The following KCND3 variants were observed in gnomAD, a reference collection of about 807,000 sequenced individuals.
KCND3 encodes the protein potassium voltage-gated channel subfamily D member 3, also known as A-type voltage-gated potassium channel KCND3.
In KCND3, 9 loss-of-function variants were observed where a neutral mutation model predicts 51.1. That is an observed-to-expected ratio of 0.18 (90% CI 0.11 to 0.31). KCND3 has a LOEUF of 0.31. Among genes scored for constraint, KCND3 ranks in the 10% least tolerant of loss-of-function variants. The pLI is 1.00. For missense variants in KCND3, 526 were observed against 903.8 expected (o/e 0.58, Z 5.36); for synonymous variants, 349 against 368.0 (o/e 0.95, Z 0.59).
rs566160845 is a variant in KCND3, at chr1:111,944,229, C to T, written c.1106+37392G>A. Among the ~76,000 whole-genome samples the T allele has an allele frequency of 3.9e-5, 6 of 152,284 alleles. No homozygotes were observed. In the South Asian group the frequency reaches 1.2e-3, roughly 32 times the overall value. On this transcript the variant is annotated intron_variant, in intron 2 of 7. Transcript: ENST00000302127. ...TCCCTTGTGGAGACCCATAGGGAGG[C>T]CCGGCTGAGGGGAGAGGAAAGAGTG...
Position 111,953,551 on chromosome 1 carries a change from G to A in KCND3, c.1106+28070C>T, listed in dbSNP as rs11102361. Among the ~76,000 whole-genome samples the A allele has an allele frequency of 2.1e-3, 314 of 152,272 alleles. 3 individuals are homozygous for A. In the East Asian group the frequency reaches 0.024, roughly 12 times the overall value. Reference sequence around the variant, plus strand: ...CTGGTTTGGACTACGCCTGGGAAACGGCCTGCCTAGAAGACAAGCGGAGAA... The same window carrying A: ...CTGGTTTGGACTACGCCTGGGAAACAGCCTGCCTAGAAGACAAGCGGAGAA... On this transcript the variant is annotated intron_variant, in intron 2 of 7. Transcript: ENST00000302127.
chr1:111,828,650 C>CTATGCACCA (rs1666687265), intron 2 of KCND3, among the ~76,000 whole-genome samples: 1 of 152,190 alleles, frequency 6.6e-6, no homozygotes, highest in Non-Finnish European at 1.5e-5. Flanking sequence ...CTGGGATCTG[C>CTATGCACCA]TATGCACCAT....
intron 2 of KCND3, among the ~76,000 whole-genome samples, chr1:111,840,945 A>T (rs921944681): frequency 6.6e-6 from 1 of 152,244 alleles, no homozygotes; most frequent in African/African-American, 2.4e-5. Flanking sequence ...TGAAGAAAAC[A>T]GTCAAGTCCT....
chr1:111,961,481 T>G (rs1220381373), intron 2 of KCND3, among the ~76,000 whole-genome samples: 1 of 152,168 alleles, frequency 6.6e-6, no homozygotes, highest in Non-Finnish European at 1.5e-5. Flanking sequence ...GACCTCTGCT[T>G]AGTGCAGGGG....
intron 2 of KCND3, among the ~76,000 whole-genome samples, chr1:111,912,689 G>A (rs190179789): frequency 1.1e-3 from 162 of 152,208 alleles, no homozygotes; most frequent in African/African-American, 3.8e-3. Flanking sequence ...CCTGATGCAG[G>A]CCTAGGCTAA....
chr1:111,954,723 T>C (rs918598210), intron 2 of KCND3, among the ~76,000 whole-genome samples: 2 of 152,216 alleles, frequency 1.3e-5, no homozygotes, highest in African/African-American at 4.8e-5. Context: ...CCAATGTCCA[T>C]TGCAAATGGA....
Position 111,983,638 on chromosome 1 carries a change from C to T in KCND3, c.-72-840G>A, listed in dbSNP as rs537246616. On this transcript the variant is annotated intron_variant, in intron 1 of 7. Coordinates refer to ENST00000302127, the MANE Select transcript of KCND3 (RefSeq NM_001378969.1). ...TCTCCCTCCCCAGAAGAAGCCGATCCGCGCTCACTGCCGTCCCTAGATTCC... is the reference window on the plus strand; with the variant it reads ...TCTCCCTCCCCAGAAGAAGCCGATCTGCGCTCACTGCCGTCCCTAGATTCC... Among the ~76,000 whole-genome samples the T allele has an allele frequency of 5.9e-5, 9 of 152,186 alleles. No individual in the cohort carries two copies. The South Asian group carries it at 6.2e-4, about 11-fold the overall frequency.
At chr1:111,942,145 T>C (rs767341422) in intron 2 of KCND3, among the ~76,000 whole-genome samples, 17 of 152,242 alleles carry the variant, frequency 1.1e-4, no homozygotes, top group Non-Finnish European at 2.1e-4. Context: ...ATTGGGCATG[T>C]ACTACGAGCC....
At chr1:111,839,716 G>C (rs1360025707) in intron 2 of KCND3, among the ~76,000 whole-genome samples, 2 of 152,214 alleles carry the variant, frequency 1.3e-5, no homozygotes, top group Non-Finnish European at 2.9e-5. Flanking sequence ...ATAACCCTTT[G>C]AGAATGGATA....
At chr1:111,924,886 C>G (rs1243012269) in intron 2 of KCND3, among the ~76,000 whole-genome samples, 1 of 152,212 alleles carries the variant, frequency 6.6e-6, no homozygotes, top group Admixed American at 6.5e-5. Flanking sequence ...GAAGCCAGAC[C>G]CTGCATGTGT....
intron 2 of KCND3, among the ~76,000 whole-genome samples, chr1:111,972,168 C>CTTTTTTTTTTT (rs56102317): frequency 1.2e-5 from 1 of 80,198 alleles, no homozygotes; most frequent in Non-Finnish European, 2.3e-5. Flanking sequence ...ATTTGTATAT[C>CTTTTTTTTTTT]TTTTTTTTTT....
In KCND3 at chr1:111,847,186, C is replaced by T. The variant is rs78174503; in HGVS notation, c.1107-60080G>A. Among the ~76,000 whole-genome samples the T allele has an allele frequency of 9.3e-3, 1,409 of 152,254 alleles. 29 individuals carry two copies. The highest frequency in any genetic ancestry group is 0.032 in the African/African-American group (1,340 of 41,536). On this transcript the variant is annotated intron_variant, in intron 2 of 7. Coordinates refer to ENST00000302127, the MANE Select transcript of KCND3 (RefSeq NM_001378969.1). ...AGGCGGGAAGATGCTCTCCAGCAGG[C>T]GAAGGAGGGGCAGCAGGGCCATCTT... is the stretch of plus-strand genomic sequence containing the variant.
In KCND3 at chr1:111,909,874, G is replaced by A. The variant is rs1276946002; in HGVS notation, c.1106+71747C>T. On this transcript the variant is annotated intron_variant, in intron 2 of 7. Transcript: ENST00000302127. ...GTGAGGATTGAATGAGCTAATGCAT[G>A]CCCACGTGCCCACCTCATGGTAAGA... The A allele has an allele frequency of 2.6e-5, 4 of 152,198 alleles. No individual in the cohort carries two copies. The East Asian group carries it at 7.7e-4, about 29-fold the overall frequency. The allele number at this position is 152,198 out of a possible 1,614,324, so 9.4% of individuals were successfully genotyped here. A position where few individuals can be genotyped will look rare whatever the true frequency, so the allele number is the denominator to read the frequency against.
intron 2 of KCND3, among the ~76,000 whole-genome samples, chr1:111,817,674 G>T (rs1666159848): frequency 1.3e-5 from 2 of 152,122 alleles, no homozygotes; most frequent in African/African-American, 2.4e-5. Context: ...TCTTGAAAAA[G>T]ATCATGCCTC....
intron 2 of KCND3, among the ~76,000 whole-genome samples, chr1:111,941,342 ACCTGC>A (rs1472359818): frequency 6.6e-6 from 1 of 151,660 alleles, no homozygotes; most frequent in Non-Finnish European, 1.5e-5. Flanking sequence ...CTACCTCCCC[ACCTGC>A]CCCAGTCTCT....
At chr1:111,813,134 C>T (rs1298417907) in intron 2 of KCND3, among the ~76,000 whole-genome samples, 1 of 152,060 alleles carries the variant, frequency 6.6e-6, no homozygotes, top group Non-Finnish European at 1.5e-5. Context: ...GACACAAGTG[C>T]CCTCCATGTG....
Position 111,972,258 on chromosome 1 carries a change from C to T in KCND3, c.1106+9363G>A, listed in dbSNP as rs369065582. Among the ~76,000 whole-genome samples the T allele has an allele frequency of 1.7e-4, 26 of 149,012 alleles. No individual in the cohort carries two copies. In the East Asian group the frequency reaches 4.3e-3, roughly 25 times the overall value. ...CGGGATCTCGGCTCACTGCAAGCTC[C>T]GCCTCCCGGGTTCACGCCATTCTCC... On this transcript the variant is annotated intron_variant, in intron 2 of 7. Coordinates refer to ENST00000302127, the MANE Select transcript of KCND3 (RefSeq NM_001378969.1).
At chr1:111,804,668 G>A (rs1195375424) in intron 2 of KCND3, among the ~76,000 whole-genome samples, 1 of 152,220 alleles carries the variant, frequency 6.6e-6, no homozygotes, top group African/African-American at 2.4e-5. Context: ...TGCTTACTAT[G>A]TGCCAGGCAC....
intron 2 of KCND3, among the ~76,000 whole-genome samples, chr1:111,959,782 T>C (rs1557747682): frequency 6.6e-6 from 1 of 152,038 alleles, no homozygotes; most frequent in East Asian, 1.9e-4. Context: ...GTGCAAAAAA[T>C]AGTTCACAGT....
Sources: gnomAD v4.1 joint callset for allele counts (sites outside exome capture counted in the v4.1 genomes callset) on GRCh38, gnomAD v4.1.1 for gene constraint, MANE v1.5 for transcripts, NCBI Gene and HGNC (gene_info 2026-07-23, HGNC 2026-07-21) for gene names.